The following SHISAL2B variants were observed in gnomAD, a reference collection of about 807,000 sequenced individuals.
SHISAL2B encodes the protein shisa like 2B.
In SHISAL2B, 12 loss-of-function variants were observed where a neutral mutation model predicts 16.5. That is an observed-to-expected ratio of 0.73 (90% confidence interval 0.47 to 1.18). The LOEUF is 1.18. Among genes scored for constraint, SHISAL2B ranks in the 50% most tolerant of loss-of-function variants. The pLI is 0.00. For synonymous variants in SHISAL2B, 72 were observed against 75.0 expected (o/e 0.96, Z 0.21); for missense variants, 183 against 193.6 (o/e 0.95, Z 0.33).
intron 2 of SHISAL2B, among the ~76,000 whole-genome samples, 173 bp from the exon 3 acceptor site, chr5:64,717,716 A>G (rs927252117): frequency 6.6e-6 from 1 of 152,196 alleles, no homozygotes; most frequent in African/African-American, 2.4e-5. Context: ...TTTGACTTTC[A>G]TAAGGAAATA....
chr5:64,709,347 TC>T (rs944724953), intron 2 of SHISAL2B, among the ~76,000 whole-genome samples: 2 of 151,944 alleles, frequency 1.3e-5, no homozygotes, highest in African/African-American at 4.8e-5. Flanking sequence ...CTCATCCATT[TC>T]CCTACAAAGG....
chr5:64,708,555 C>G (rs1354450465), intron 2 of SHISAL2B, among the ~76,000 whole-genome samples: 4 of 152,086 alleles, frequency 2.6e-5, no homozygotes, highest in Non-Finnish European at 5.9e-5. Flanking sequence ...ATCTTAAAAA[C>G]AATCCATACA....
chr5:64,691,665 A>G (rs1475250226), intron 1 of SHISAL2B: 1 of 152,138 alleles, frequency 6.6e-6, no homozygotes, highest in Non-Finnish European at 1.5e-5. Flanking sequence ...ACTTATTCCA[A>G]CTAGTATTGA....
chr5:64,701,061 AC>A (rs1227221297), intron 2 of SHISAL2B, among the ~76,000 whole-genome samples: 1 of 151,878 alleles, frequency 6.6e-6, no homozygotes, highest in African/African-American at 2.4e-5. Context: ...GGGGTTGGGG[AC>A]CCCTGCTTTA....
chr5:64,694,480 T>C (rs550924730), intron 1 of SHISAL2B, among the ~76,000 whole-genome samples: 2 of 152,338 alleles, frequency 1.3e-5, no homozygotes, highest in Non-Finnish European at 2.9e-5. Flanking sequence ...TGGTATTAAG[T>C]TCACAGGCTT....
At chr5:64,709,857 A>G (rs1455519342) in intron 2 of SHISAL2B, among the ~76,000 whole-genome samples, 3 of 150,940 alleles carry the variant, frequency 2.0e-5, no homozygotes, top group Admixed American at 6.6e-5. Context: ...GTGTCTGTTC[A>G]TGTCCTTCGC....
intron 2 of SHISAL2B, among the ~76,000 whole-genome samples, chr5:64,712,857 G>T (rs1220942255): frequency 1.3e-5 from 2 of 149,768 alleles, no homozygotes; most frequent in East Asian, 3.9e-4. Context: ...GACTAGGATT[G>T]CAACCCCTGC....
At chr5:64,707,517 C>G (rs186996799) in intron 2 of SHISAL2B, among the ~76,000 whole-genome samples, 1 of 152,306 alleles carries the variant, frequency 6.6e-6, no homozygotes, top group Admixed American at 6.5e-5. Context: ...CTATTCTATT[C>G]AAAGCCTTGG....
At chr5:64,705,929 C>T (rs945982794) in intron 2 of SHISAL2B, among the ~76,000 whole-genome samples, 3 of 152,024 alleles carry the variant, frequency 2.0e-5, no homozygotes, top group South Asian at 4.2e-4. Flanking sequence ...GAGGCAGATG[C>T]GGGCAGATCA....
intron 2 of SHISAL2B, among the ~76,000 whole-genome samples, chr5:64,706,597 A>G (rs968100568): frequency 1.3e-5 from 2 of 152,212 alleles, no homozygotes; most frequent in Non-Finnish European, 2.9e-5. Flanking sequence ...GGCTAGTATG[A>G]TTAATTCCTA....
chr5:64,715,648 C>A (rs1187939982), intron 2 of SHISAL2B, among the ~76,000 whole-genome samples: 1 of 152,164 alleles, frequency 6.6e-6, no homozygotes, highest in Non-Finnish European at 1.5e-5. Context: ...TATGTGTGAT[C>A]CTAAAGTGCT....
chr5:64,696,210 A>G (rs944379331), intron 2 of SHISAL2B, among the ~76,000 whole-genome samples: 2 of 152,244 alleles, frequency 1.3e-5, no homozygotes, highest in African/African-American at 4.8e-5. Flanking sequence ...TAAGTTCCCC[A>G]AATTAATACT....
intron 2 of SHISAL2B, among the ~76,000 whole-genome samples, chr5:64,700,333 A>G (rs1017929048): frequency 6.6e-6 from 1 of 152,190 alleles, no homozygotes; most frequent in Non-Finnish European, 1.5e-5. Flanking sequence ...GTGGATACCA[A>G]AGTCCTCAGA....
intron 2 of SHISAL2B, among the ~76,000 whole-genome samples, chr5:64,711,352 G>A (rs1048732959): frequency 1.1e-4 from 16 of 149,774 alleles, no homozygotes; most frequent in East Asian, 9.7e-4. Flanking sequence ...ATTGATTTGC[G>A]TATATTGAAC....
At chr5:64,693,150 G>C (rs1347456727) in intron 1 of SHISAL2B, among the ~76,000 whole-genome samples, 1 of 152,056 alleles carries the variant, frequency 6.6e-6, no homozygotes, top group Non-Finnish European at 1.5e-5. Flanking sequence ...TGGGACTACA[G>C]GCGCCTGCCA....
intron 1 of SHISAL2B, chr5:64,691,351 T>C (rs1288382719): frequency 6.8e-6 from 1 of 147,530 alleles, no homozygotes; most frequent in East Asian, 2.0e-4. Flanking sequence ...CTGTGTTCTT[T>C]AAAATACATG....
In SHISAL2B at chr5:64,695,622, G is replaced by A. The variant is rs1265024928; in HGVS notation, c.307G>A (p.Gly103Ser). 6.5e-7 allele frequency: 1 copy of A among 1,536,002 alleles called. No individual in the cohort carries two copies. The highest frequency in any genetic ancestry group is 2.4e-5 in the East Asian group (1 of 40,878). Residue 103 changes from glycine (G) to serine (S), a missense_variant, in exon 2 of 3, where the codon GGC becomes AGC. Transcript: ENST00000389074. Reference protein sequence around the residue: ...LYTKPQRLDTGLKLQHLEASS... With the variant: ...LYTKPQRLDTSLKLQHLEASS... ...TACGAAACCTCAAAGATTAGACACT[G>A]GCCTTAAGCTTCAACACTTAGAGGC... is the stretch of plus-strand genomic sequence containing the variant.
chr5:64,703,719 G>GA (rs1027642737), intron 2 of SHISAL2B, among the ~76,000 whole-genome samples: 1 of 152,022 alleles, frequency 6.6e-6, no homozygotes, highest in Non-Finnish European at 1.5e-5. Context: ...GTGAATTCTG[G>GA]AAAAAATAGG....
At chr5:64,700,522 C>A (rs1741794549) in intron 2 of SHISAL2B, among the ~76,000 whole-genome samples, 1 of 152,140 alleles carries the variant, frequency 6.6e-6, no homozygotes, top group South Asian at 2.1e-4. Flanking sequence ...GCCATTCTCC[C>A]ACCTCAGCCT....
Sources: allele counts gnomAD v4.1 joint callset (sites outside exome capture counted in the v4.1 genomes callset), GRCh38; gene constraint gnomAD v4.1.1; transcripts MANE v1.5; gene names NCBI Gene and HGNC (gene_info 2026-07-23, HGNC 2026-07-21).